Variants in MKLN1 observed in about 807,000 individuals in gnomAD.
MKLN1 encodes muskelin.
Under a neutral mutation model 99.0 loss-of-function variants are expected in MKLN1, and 18 were observed. The ratio of observed to expected loss-of-function variants is 0.18; its 90% CI spans 0.13 to 0.27. The LOEUF is 0.27. Ranked by LOEUF, MKLN1 falls within the 10% of genes least tolerant of loss-of-function variation. The pLI is 1.00. For synonymous variants in MKLN1, 288 were observed against 293.2 expected (o/e 0.98, Z 0.18); for missense variants, 621 against 875.9 (o/e 0.71, Z 3.67).
chr7:131,429,465 A>C (rs1303682292), intron 9 of MKLN1, among the ~76,000 whole-genome samples: 1 of 152,080 alleles, frequency 6.6e-6, no homozygotes, highest in African/African-American at 2.4e-5. Flanking sequence ...CACTACCTCT[A>C]TTCTTATTTT....
chr7:131,318,676 T>A (rs116257972), intron 3 of MKLN1, among the ~76,000 whole-genome samples: 5,293 of 152,028 alleles, frequency 0.035, 280 homozygotes, highest in African/African-American at 0.12. Flanking sequence ...GTAGTTTTTT[T>A]AAAAAATTAA....
chr7:131,426,548 T>C (rs936175294), intron 8 of MKLN1, among the ~76,000 whole-genome samples: 1 of 152,164 alleles, frequency 6.6e-6, no homozygotes, highest in African/African-American at 2.4e-5. Flanking sequence ...AGTTCCAAGA[T>C]AGGACAGTGT....
intron 3 of MKLN1, among the ~76,000 whole-genome samples, chr7:131,312,787 T>C (rs556556803): frequency 6.6e-6 from 1 of 152,348 alleles, no homozygotes; most frequent in East Asian, 1.9e-4. Context: ...TTAGTAACCC[T>C]AATTTTCAGT....
At chr7:131,445,992 T>C in intron 12 of MKLN1, 89 bp downstream of exon 12, 1 of 874,456 alleles carries the variant, frequency 1.1e-6, no homozygotes, top group Non-Finnish European at 1.7e-6. Context: ...TAATCATTTT[T>C]CACCCTTTCT....
At chr7:131,202,788 A>G (rs1324939407) in intron 2 of MKLN1, 2 of 152,138 alleles carry the variant, frequency 1.3e-5, no homozygotes, top group Non-Finnish European at 2.9e-5. Flanking sequence ...CTAGATTTTA[A>G]AGATCTTGAA....
chr7:131,287,921 TGAA>T (rs1192197635), intron 3 of MKLN1, among the ~76,000 whole-genome samples: 3 of 152,160 alleles, frequency 2.0e-5, no homozygotes, highest in Non-Finnish European at 4.4e-5. Flanking sequence ...TGACGCCATG[TGAA>T]GAAGGTCCTT....
rs1796799929 is a variant in MKLN1 at position 131,470,823 on chromosome 7, C to T, written c.1929-19C>T. ...TTTTCTCATAACTCCAGATAATTAT[C>T]CTTGTGTACATTTTCTAGGTTTGAA... On this transcript the variant is annotated intron_variant, in intron 15 of 17. Transcript: ENST00000352689. 1 of 1,453,358 alleles carries T rather than the reference C, an allele frequency of 6.9e-7. No individual in the cohort carries two copies. The highest frequency in any genetic ancestry group is 9.7e-7 in the Non-Finnish European group (1 of 1,034,830). The allele number at this position is 1,453,358 out of a possible 1,614,324, so 90.0% of individuals were successfully genotyped here.
intron 1 of MKLN1, among the ~76,000 whole-genome samples, chr7:131,134,697 T>A (rs901653760): frequency 2.0e-5 from 3 of 152,192 alleles, no homozygotes; most frequent in African/African-American, 7.2e-5. Flanking sequence ...CCCTTGGACT[T>A]GTTACTACCC....
At chr7:131,235,639 T>G (rs1797310316) in intron 3 of MKLN1, among the ~76,000 whole-genome samples, 1 of 152,178 alleles carries the variant, frequency 6.6e-6, no homozygotes, top group South Asian at 2.1e-4. Flanking sequence ...ATCTCGGGGA[T>G]GTAAATAGGA....
intron 1 of MKLN1, among the ~76,000 whole-genome samples, chr7:131,139,265 T>C (rs1795695957): frequency 6.6e-6 from 1 of 152,052 alleles, no homozygotes; most frequent in Non-Finnish European, 1.5e-5. Context: ...GAGGGACCCA[T>C]CCGTACAGCA....
chr7:131,304,241 C>T (rs1217490273), intron 3 of MKLN1, among the ~76,000 whole-genome samples: 1 of 152,130 alleles, frequency 6.6e-6, no homozygotes, highest in East Asian at 1.9e-4. Context: ...GGAAGTGGCC[C>T]ATGCCTGTAG....
At chr7:131,118,113 G>T (rs910765101) in intron 1 of MKLN1, among the ~76,000 whole-genome samples, 1 of 152,158 alleles carries the variant, frequency 6.6e-6, no homozygotes, top group African/African-American at 2.4e-5. Context: ...GCTCAATTAG[G>T]TCATAAGAGA....
intron 12 of MKLN1, among the ~76,000 whole-genome samples, chr7:131,454,406 A>G (rs980277014): frequency 7.2e-5 from 11 of 152,256 alleles, no homozygotes; most frequent in Admixed American, 7.2e-4. Context: ...TACAAAAAAT[A>G]AATGATGAGT....
At chr7:131,455,523 G>GT (rs927591313) in intron 12 of MKLN1, among the ~76,000 whole-genome samples, 14 of 151,938 alleles carry the variant, frequency 9.2e-5, no homozygotes, top group South Asian at 2.1e-4. Flanking sequence ...CTTATTTTCT[G>GT]TTTTTTTCAG....
intron 2 of MKLN1, among the ~76,000 whole-genome samples, chr7:131,163,345 T>C (rs1027746736): frequency 5.3e-5 from 8 of 152,232 alleles, no homozygotes; most frequent in Non-Finnish European, 7.3e-5. Context: ...CTGTTTGTAA[T>C]GGTTCGGGGC....
At chr7:131,288,594 G>A (rs985213530) in intron 3 of MKLN1, among the ~76,000 whole-genome samples, 8 of 152,162 alleles carry the variant, frequency 5.3e-5, no homozygotes, top group Admixed American at 4.6e-4. Context: ...CAAGCCCCAT[G>A]TCCTTCTCTG....
At chr7:131,144,757 C>G (rs967671827) in intron 2 of MKLN1, among the ~76,000 whole-genome samples, 1 of 152,002 alleles carries the variant, frequency 6.6e-6, no homozygotes, top group African/African-American at 2.4e-5. Flanking sequence ...GTGGGCGGAT[C>G]ACCTGAGATC....
At chr7:131,211,528 A>G (rs34570548) in intron 3 of MKLN1, among the ~76,000 whole-genome samples, 27,790 of 151,408 alleles carry the variant, frequency 0.18, 2,996 homozygotes, top group Non-Finnish European at 0.25. Flanking sequence ...TCCCTAGTTT[A>G]CCATGATGCT....
At chr7:131,352,964 C>T (rs1439190502) in intron 1 of MKLN1, among the ~76,000 whole-genome samples, 2 of 152,168 alleles carry the variant, frequency 1.3e-5, no homozygotes, top group Admixed American at 1.3e-4. Flanking sequence ...ATACAAACAT[C>T]TACATGTGTA....
Sources: gnomAD v4.1 joint callset for allele counts (sites outside exome capture counted in the v4.1 genomes callset) on GRCh38, gnomAD v4.1.1 for gene constraint, MANE v1.5 for transcripts, NCBI Gene and HGNC (gene_info 2026-07-23, HGNC 2026-07-21) for gene names.